The following LPXN variants were observed in gnomAD, a reference collection of about 807,000 sequenced individuals.
The protein encoded by LPXN is leupaxin.
In LPXN, 28 loss-of-function variants were observed where a neutral mutation model predicts 45.6. The ratio of observed to expected loss-of-function variants is 0.61; its 90% CI spans 0.45 to 0.84. The LOEUF (loss-of-function observed/expected upper bound fraction) is 0.84, where lower values mean the gene tolerates loss of function less well. LPXN is among the 40% of genes least tolerant of loss of function. The pLI, the probability that LPXN is intolerant of heterozygous loss-of-function variation, is 0.00. For synonymous variants in LPXN, 166 were observed against 169.9 expected (o/e 0.98, Z 0.18); for missense variants, 459 against 475.0 (o/e 0.97, Z 0.31).
intron 7 of LPXN, among the ~76,000 whole-genome samples, chr11:58,546,113 A>G (rs999479037): frequency 3.3e-5 from 5 of 152,164 alleles, no homozygotes; most frequent in African/African-American, 1.2e-4. Context: ...ACCAGATGAG[A>G]TATTAACTAA....
chr11:58,550,971 TA>T, intron 5 of LPXN, 93 bp downstream of exon 5: 1 of 1,236,468 alleles, frequency 8.1e-7, no homozygotes, highest in East Asian at 2.8e-5. Flanking sequence ...TAATGCTAAC[TA>T]AAATATCTTA....
In LPXN at chr11:58,565,040, G is replaced by A. The variant is rs868156338; in HGVS notation, c.172-839C>T. On this transcript the variant is annotated intron_variant, in intron 2 of 8. Transcript: ENST00000395074. The stretch of plus-strand genomic sequence containing the variant: ...ACAGGGACAGCAAGTAAAGGGGCCA[G>A]ATCATACAGATGAGGTGGCCACATC... Among the ~76,000 whole-genome samples, 6 of 152,220 alleles carry A rather than the reference G, an allele frequency of 3.9e-5. No individual in the cohort carries two copies. In the South Asian group the frequency reaches 1.2e-3, roughly 31 times the overall value.
Position 58,549,766 on chromosome 11 carries a change from CCT to C in LPXN, c.742+18_742+19del. Reference sequence around the variant, plus strand: ...CTACCCACTGGGGTGTGGGATACAGCCTCTCAAGTCGGGTCATACCTTCTGCA... The same window carrying C: ...CTACCCACTGGGGTGTGGGATACAGCCTCAAGTCGGGTCATACCTTCTGCA... On this transcript the variant is annotated intron_variant, in intron 7 of 8. Transcript: ENST00000395074. 1.9e-6 allele frequency: 3 copies of C among 1,611,760 alleles called. No individual in the cohort carries two copies. The highest frequency in any genetic ancestry group is 2.5e-6 in the Non-Finnish European group (3 of 1,178,118).
chr11:58,554,955 CAAA>C lies in LPXN; in HGVS notation c.219-18_219-16del, dbSNP rs747850595. The C allele has an allele frequency of 6.5e-7, 1 of 1,536,542 alleles. No individual in the cohort carries two copies. Among genetic ancestry groups the C allele is most frequent in the East Asian group, 2.2e-5 (1 of 44,476 alleles). On this transcript the variant is annotated splice_polypyrimidine_tract_variant and intron_variant, in intron 3 of 8. Transcript: ENST00000395074. ...CTTGGGCTTCACTATAGAGGGAAAA[CAAA>C]AAAGTCATATGAACAAATCAAAACT...
rs769935868 is a variant in LPXN at position 58,527,741 on chromosome 11, G to A, written c.892-18C>T. On this transcript the variant is annotated intron_variant, in intron 8 of 8. Transcript: ENST00000395074. ...AAGCAGTCCTGGGGTAGAGAGAAGA[G>A]AGAGAAAAAGAATGCAAATGTCAAG... 2.5e-6 allele frequency: 4 copies of A among 1,603,732 alleles called. No individual in the cohort carries two copies. Among genetic ancestry groups the A allele is most frequent in the Non-Finnish European group, 3.4e-6 (4 of 1,172,712 alleles).
At chr11:58,565,309 G>A (rs917045008) in intron 2 of LPXN, among the ~76,000 whole-genome samples, 9 of 151,964 alleles carry the variant, frequency 5.9e-5, no homozygotes, top group African/African-American at 1.5e-4. Context: ...TGAGGCAGGC[G>A]GATCACGAGG....
chr11:58,563,759 G>C (rs1854448653), intron 3 of LPXN, among the ~76,000 whole-genome samples: 1 of 152,232 alleles, frequency 6.6e-6, no homozygotes, highest in South Asian at 2.1e-4. Flanking sequence ...GAGACCCACT[G>C]TCTTAGTTTA....
upstream of LPXN, among the ~76,000 whole-genome samples, chr11:58,577,494 G>C (rs937445557): frequency 6.6e-6 from 1 of 152,140 alleles, no homozygotes; most frequent in Admixed American, 6.6e-5. Flanking sequence ...GGGACTTTTA[G>C]CCCTGGATGC....
chr11:58,564,065 C>G, intron 3 of LPXN, 90 bp downstream of exon 3: 1 of 806,662 alleles, frequency 1.2e-6, no homozygotes, highest in Non-Finnish European at 2.1e-6. Flanking sequence ...ATAATAAACA[C>G]TTGCAAAGCA....
intron 4 of LPXN, among the ~76,000 whole-genome samples, chr11:58,552,526 T>G (rs535918801): frequency 6.6e-6 from 1 of 152,318 alleles, no homozygotes; most frequent in South Asian, 2.1e-4. Context: ...TCCCTTTTTA[T>G]CTTTCCCAAT....
chr11:58,578,141 C>A (rs1854964985), upstream of LPXN: 2 of 1,466,700 alleles, frequency 1.4e-6, no homozygotes, highest in Non-Finnish European at 1.8e-6. Flanking sequence ...GGTACGCCAA[C>A]GCCCAGATAA....
chr11:58,573,149 G>C (rs1391072027), intron 1 of LPXN, among the ~76,000 whole-genome samples: 2 of 151,946 alleles, frequency 1.3e-5, no homozygotes, highest in Non-Finnish European at 2.9e-5. Context: ...GGAAGGCTGA[G>C]GCAGGCGAAA....
chr11:58,564,270 G>A (rs1854464657), intron 2 of LPXN, 69 bp from the exon 3 acceptor site: 2 of 956,578 alleles, frequency 2.1e-6, no homozygotes, highest in African/African-American at 3.3e-5. Context: ...GAGGCTTAAT[G>A]ATACCCACAG....
At chr11:58,564,092 A>G (rs565058725) in intron 3 of LPXN, 63 bp downstream of exon 3, 7 of 1,021,178 alleles carry the variant, frequency 6.9e-6, no homozygotes, top group Non-Finnish European at 1.0e-5. Flanking sequence ...CACCCAAACA[A>G]AGATTGATAA....
At position 58,575,801 on chromosome 11, in the gene LPXN, A is replaced by C; in HGVS notation, c.-29T>G. The stretch of plus-strand genomic sequence containing the variant: ...CCTACATCCAAGATGCTCTTGTCTC[A>C]CAGGCCGTGAGGAACAGCTTTGGCA... On this transcript the variant is annotated 5_prime_UTR_variant, in exon 1 of 9. Transcript: ENST00000395074. 6.2e-7 allele frequency: 1 copy of C among 1,614,178 alleles called. No homozygotes were observed.
At chr11:58,533,261 A>G (rs933749186) in intron 7 of LPXN, among the ~76,000 whole-genome samples, 6 of 152,234 alleles carry the variant, frequency 3.9e-5, no homozygotes, top group Non-Finnish European at 8.8e-5. Context: ...AAAAATGTTA[A>G]GTGCAGCCAA....
intron 7 of LPXN, among the ~76,000 whole-genome samples, chr11:58,537,853 T>C (rs1021907011): frequency 3.3e-5 from 5 of 150,858 alleles, no homozygotes; most frequent in African/African-American, 4.9e-5. Flanking sequence ...ACATGTGCCA[T>C]GCTGGTGTGC....
At chr11:58,530,752 G>A (rs1352384566) in intron 7 of LPXN, among the ~76,000 whole-genome samples, 2 of 152,194 alleles carry the variant, frequency 1.3e-5, no homozygotes, top group African/African-American at 2.4e-5. Context: ...CGTGTCTCCT[G>A]ATTGGGAGAC....
intron 7 of LPXN, among the ~76,000 whole-genome samples, chr11:58,530,025 T>G (rs1853340822): frequency 6.6e-6 from 1 of 152,234 alleles, no homozygotes; most frequent in Admixed American, 6.5e-5. Context: ...GCTTTTCCCA[T>G]AGTCTTCACA....
Sources: gnomAD v4.1 joint callset for allele counts (sites outside exome capture counted in the v4.1 genomes callset) on GRCh38, gnomAD v4.1.1 for gene constraint, MANE v1.5 for transcripts, NCBI Gene and HGNC (gene_info 2026-07-23, HGNC 2026-07-21) for gene names.